CPNE4: variants seen among roughly 807,000 people sequenced by gnomAD.
The protein encoded by CPNE4 is copine-4.
A neutral mutation model predicts 67.9 loss-of-function variants in CPNE4; 25 were observed. The observed-to-expected ratio is 0.37, with a 90% CI of 0.27 to 0.51. The LOEUF (loss-of-function observed/expected upper bound fraction) is 0.51. CPNE4 is among the 20% of genes least tolerant of loss of function. The pLI, the probability that CPNE4 is intolerant of heterozygous loss-of-function variation, is 0.93. For missense variants in CPNE4, 464 were observed against 690.8 expected (o/e 0.67, Z 3.68); for synonymous variants, 242 against 244.9 (o/e 0.99, Z 0.11).
chr3:131,633,459 A>T (rs562913025), intron 7 of CPNE4, among the ~76,000 whole-genome samples: 196 of 152,350 alleles, frequency 1.3e-3, no homozygotes, highest in Middle Eastern at 0.01. Flanking sequence ...TCAAAGAAGC[A>T]TATGAGGCAG....
chr3:132,004,180 A>G lies in CPNE4; in HGVS notation c.-2+30387T>C, dbSNP rs2073528176. Among the ~76,000 whole-genome samples the G allele has an allele frequency of 2.0e-5, 3 of 152,164 alleles. No homozygotes were observed. In the South Asian group the frequency reaches 6.2e-4, roughly 31 times the overall value. On this transcript the variant is annotated intron_variant, in intron 1 of 15. Coordinates refer to ENST00000429747, the MANE Select transcript of CPNE4 (RefSeq NM_130808.3). ...ATTCTCTTCTGTGAAAATTACAAAAAAAAATAGATACTTTAAAAAATCCAT... is the reference window on the plus strand; with the variant it reads ...ATTCTCTTCTGTGAAAATTACAAAAGAAAATAGATACTTTAAAAAATCCAT...
intron 11 of CPNE4, among the ~76,000 whole-genome samples, chr3:131,560,938 T>G (rs1936729893): frequency 6.6e-6 from 1 of 151,822 alleles, no homozygotes; most frequent in South Asian, 2.1e-4. Flanking sequence ...TGGTGTAGAG[T>G]GGACAAGGTA....
chr3:131,757,825 C>T (rs2082788638), intron 2 of CPNE4, among the ~76,000 whole-genome samples: 1 of 152,184 alleles, frequency 6.6e-6, no homozygotes, highest in Non-Finnish European at 1.5e-5. Context: ...TGTGTCCCAA[C>T]CACTCTAGCC....
chr3:131,588,151 A>G (rs1582850488), intron 7 of CPNE4, among the ~76,000 whole-genome samples: 1 of 152,202 alleles, frequency 6.6e-6, no homozygotes, highest in African/African-American at 2.4e-5. Context: ...TATGTGAAAA[A>G]TGGTTGGAAA....
chr3:131,706,417 A>C (rs1328593979), intron 3 of CPNE4, among the ~76,000 whole-genome samples: 1 of 152,244 alleles, frequency 6.6e-6, no homozygotes, highest in Non-Finnish European at 1.5e-5. Context: ...TTCTCATGAC[A>C]GCTCTGCAAG....
chr3:131,854,212 A>T (rs1193513196), intron 2 of CPNE4, among the ~76,000 whole-genome samples: 1 of 151,904 alleles, frequency 6.6e-6, no homozygotes, highest in African/African-American at 2.4e-5. Context: ...CACACTATGG[A>T]TATTTAAAAC....
intron 7 of CPNE4, among the ~76,000 whole-genome samples, chr3:131,609,339 T>C (rs1939687583): frequency 6.6e-6 from 1 of 152,168 alleles, no homozygotes; most frequent in Admixed American, 6.5e-5. Flanking sequence ...GGGTTATTGA[T>C]GGGTGGGTAC....
At chr3:131,670,607 C>T (rs1009346713) in intron 6 of CPNE4, among the ~76,000 whole-genome samples, 3 of 152,182 alleles carry the variant, frequency 2.0e-5, no homozygotes, top group Admixed American at 6.5e-5. Flanking sequence ...GGAGCTGCAT[C>T]ACCTGGAAAC....
At chr3:131,646,429 CTA>C (rs2079666186) in intron 7 of CPNE4, among the ~76,000 whole-genome samples, 1 of 152,084 alleles carries the variant, frequency 6.6e-6, no homozygotes. Context: ...GAAAAGCTCA[CTA>C]TATATAGCAG....
chr3:131,612,270 A>G (rs1470719351), intron 7 of CPNE4, among the ~76,000 whole-genome samples: 1 of 152,138 alleles, frequency 6.6e-6, no homozygotes, highest in Non-Finnish European at 1.5e-5. Flanking sequence ...GCTACTCAGG[A>G]GGCTGAGGCA....
chr3:131,657,119 C>G (rs2079992307), intron 7 of CPNE4, among the ~76,000 whole-genome samples: 1 of 152,102 alleles, frequency 6.6e-6, no homozygotes, highest in South Asian at 2.1e-4. Flanking sequence ...CTGCTATTTA[C>G]TATTTATTAT....
intron 1 of CPNE4, among the ~76,000 whole-genome samples, chr3:131,971,864 T>C (rs2072512506): frequency 6.6e-6 from 1 of 152,158 alleles, no homozygotes; most frequent in Admixed American, 6.6e-5. Context: ...TGACAGCTAT[T>C]TTCTCTAGTC....
intron 1 of CPNE4, among the ~76,000 whole-genome samples, chr3:131,906,342 T>C (rs1347124149): frequency 1.3e-5 from 2 of 151,750 alleles, no homozygotes; most frequent in Non-Finnish European, 2.9e-5. Context: ...CATGCCGCTG[T>C]GCTGCACCCA....
chr3:131,882,802 T>C, intron 2 of CPNE4, among the ~76,000 whole-genome samples: 1 of 148,940 alleles, frequency 6.7e-6, no homozygotes, highest in Non-Finnish European at 1.5e-5. Context: ...CTGCAAGCTC[T>C]GCCTCCCGAG....
At chr3:131,931,590 G>A (rs1335109711) in intron 1 of CPNE4, among the ~76,000 whole-genome samples, 1 of 151,906 alleles carries the variant, frequency 6.6e-6, no homozygotes, top group Non-Finnish European at 1.5e-5. Flanking sequence ...AATTTTAAGA[G>A]ACAAAAAATA....
At chr3:132,016,578 G>T (rs201469799) in intron 1 of CPNE4, among the ~76,000 whole-genome samples, 1 of 152,280 alleles carries the variant, frequency 6.6e-6, no homozygotes, top group East Asian at 1.9e-4. Flanking sequence ...AGAAAAACAG[G>T]TTCTCCTAGA....
intron 1 of CPNE4, among the ~76,000 whole-genome samples, chr3:131,950,261 CA>C (rs1160310585): frequency 6.6e-6 from 1 of 152,158 alleles, no homozygotes; most frequent in African/African-American, 2.4e-5. Flanking sequence ...AACTCACAGC[CA>C]CTTAACTGTA....
intron 2 of CPNE4, among the ~76,000 whole-genome samples, chr3:131,827,698 G>A (rs2085216835): frequency 6.6e-6 from 1 of 152,040 alleles, no homozygotes; most frequent in African/African-American, 2.4e-5. Flanking sequence ...ACCTTTGGGT[G>A]TTGGGATGGA....
chr3:131,812,102 A>T (rs1252736015), intron 2 of CPNE4, among the ~76,000 whole-genome samples: 1 of 152,004 alleles, frequency 6.6e-6, no homozygotes, highest in Non-Finnish European at 1.5e-5. Context: ...CAAATTAGAG[A>T]ATTTTACCCT....
Sources: gnomAD v4.1 joint callset for allele counts (sites outside exome capture counted in the v4.1 genomes callset) on GRCh38, gnomAD v4.1.1 for gene constraint, MANE v1.5 for transcripts, NCBI Gene and HGNC (gene_info 2026-07-23, HGNC 2026-07-21) for gene names.